The following DDX6 variants were observed in gnomAD, a reference collection of about 807,000 sequenced individuals.
The protein encoded by DDX6 is DEAD-box helicase 6.
A neutral mutation model predicts 60.6 loss-of-function variants in DDX6; 7 were observed. The ratio of observed to expected loss-of-function variants is 0.12; its 90% CI spans 0.07 to 0.22. The LOEUF is 0.22. Ranked by LOEUF, DDX6 falls within the 10% of genes least tolerant of loss-of-function variation. DDX6 has a pLI of 1.00. For synonymous variants in DDX6, 207 were observed against 201.0 expected (o/e 1.03, Z -0.25); for missense variants, 270 against 589.9 (o/e 0.46, Z 5.62).
intron 7 of DDX6, 37 bp downstream of exon 7, chr11:118,763,175 G>A: frequency 6.9e-7 from 1 of 1,445,276 alleles, no homozygotes; most frequent in Non-Finnish European, 9.4e-7. Context: ...GCACAGAAAA[G>A]TACAGAACAG....
intron 7 of DDX6, among the ~76,000 whole-genome samples, chr11:118,761,861 GAA>G (rs11296874): frequency 0.045 from 6,020 of 133,992 alleles, 368 homozygotes; most frequent in African/African-American, 0.15. Context: ...AAATTAAATG[GAA>G]AAAAAAAAAA....
chr11:118,768,954 G>C (rs1555161830), intron 4 of DDX6, among the ~76,000 whole-genome samples: 1 of 113,800 alleles, frequency 8.8e-6, no homozygotes, highest in African/African-American at 3.3e-5. Context: ...TTGCACCACT[G>C]TACTCCAGCA....
At chr11:118,769,363 C>T (rs1225317154) in intron 4 of DDX6, among the ~76,000 whole-genome samples, 4 of 152,138 alleles carry the variant, frequency 2.6e-5, no homozygotes, top group African/African-American at 9.7e-5. Flanking sequence ...GTAATGTGCT[C>T]TCTATTGAAG....
chr11:118,759,013 G>A (rs1861074213), intron 8 of DDX6, 111 bp from the exon 9 acceptor site: 2 of 1,386,818 alleles, frequency 1.4e-6, no homozygotes, highest in Non-Finnish European at 2.0e-6. Context: ...TTGCTGTAAG[G>A]GACGCAACTC....
chr11:118,775,992 CA>C (rs1861686419), intron 4 of DDX6, among the ~76,000 whole-genome samples: 1 of 151,794 alleles, frequency 6.6e-6, no homozygotes, highest in African/African-American at 2.4e-5. Flanking sequence ...AAAACAAAAA[CA>C]AAAAACAACC....
rs150046784 is a variant in DDX6 at position 118,762,743 on chromosome 11, T to C, written c.741+469A>G. ...TCTTAAGTCAGGGACCATCTGTACA[T>C]GTACAAAACATGGCTAGATCCCAGG... On this transcript the variant is annotated intron_variant, in intron 7 of 13. Coordinates refer to ENST00000534980, the MANE Select transcript of DDX6 (RefSeq NM_004397.6). Among the ~76,000 whole-genome samples the C allele has an allele frequency of 2.5e-3, 377 of 152,338 alleles. 3 individuals carry two copies. Among genetic ancestry groups the C allele is most frequent in the African/African-American group, 8.6e-3 (357 of 41,582 alleles).
At chr11:118,756,168 ATG>A in intron 11 of DDX6, 90 bp downstream of exon 11, 1 of 935,730 alleles carries the variant, frequency 1.1e-6, no homozygotes, top group Middle Eastern at 2.1e-4. Context: ...GTGTCGGACT[ATG>A]TCACAGGTTG....
At chr11:118,764,465 A>C (rs1861281808) in intron 6 of DDX6, among the ~76,000 whole-genome samples, 1 of 152,138 alleles carries the variant, frequency 6.6e-6, no homozygotes, top group Non-Finnish European at 1.5e-5. Flanking sequence ...TTGTACCTAC[A>C]GCCCTGCATT....
At chr11:118,764,970 C>T (rs1460750731) in intron 6 of DDX6, among the ~76,000 whole-genome samples, 1 of 152,154 alleles carries the variant, frequency 6.6e-6, no homozygotes, top group Non-Finnish European at 1.5e-5. Context: ...ATACTTTTAG[C>T]TTTACCAATT....
rs1231048762 is a variant in DDX6, at chr11:118,755,633, C to G, written c.1175-130G>C. 3.9e-5 allele frequency: 23 copies of G among 586,428 alleles called. No individual in the cohort carries two copies. In the Admixed American group the frequency reaches 6.1e-4, roughly 16 times the overall value. The allele number at this position is 586,428 out of a possible 1,614,324, so 36.3% of individuals were successfully genotyped here. On this transcript the variant is annotated intron_variant, in intron 11 of 13. Coordinates refer to ENST00000534980, the MANE Select transcript of DDX6 (RefSeq NM_004397.6). ...GTTATTCAAATGCATTTGCACATTA[C>G]TGGCATTACCTTTCATAATCACATT...
At chr11:118,752,212 T>C (rs905356913) in intron 13 of DDX6, 115 bp from the exon 14 acceptor site, 1 of 162,412 alleles carries the variant, frequency 6.2e-6, no homozygotes, top group Non-Finnish European at 1.3e-5. Flanking sequence ...ACTAACCCTG[T>C]GCCTACTATA....
chr11:118,790,985 C>A (rs1302001547), intron 1 of DDX6, 113 bp downstream of exon 1: 1 of 150,804 alleles, frequency 6.6e-6, no homozygotes, highest in Non-Finnish European at 1.5e-5. Context: ...CCTCCGCCCG[C>A]CCCCACCCAG....
chr11:118,758,959 C>T, intron 8 of DDX6, 57 bp from the exon 9 acceptor site: 1 of 1,603,892 alleles, frequency 6.2e-7, no homozygotes, highest in Non-Finnish European at 8.5e-7. Flanking sequence ...CAGAGTTCAT[C>T]TCAAATTCAA....
chr11:118,752,296 G>C (rs184417207), intron 13 of DDX6, among the ~76,000 whole-genome samples, 199 bp from the exon 14 acceptor site: 12 of 152,270 alleles, frequency 7.9e-5, no homozygotes, highest in Admixed American at 3.3e-4. Flanking sequence ...GAATGAATGT[G>C]AATGTTCTGA....
At chr11:118,772,575 T>C (rs781791789) in intron 4 of DDX6, among the ~76,000 whole-genome samples, 1 of 152,198 alleles carries the variant, frequency 6.6e-6, no homozygotes, top group Non-Finnish European at 1.5e-5. Flanking sequence ...GTGGTAATGG[T>C]TGCAGAACTC....
At chr11:118,783,084 T>G (rs1187285647) in intron 2 of DDX6, among the ~76,000 whole-genome samples, 1 of 103,394 alleles carries the variant, frequency 9.7e-6, no homozygotes, top group African/African-American at 3.1e-5. Context: ...AAAAAACTAT[T>G]TAAAATGAGA....
chr11:118,756,193 T>G, intron 11 of DDX6, 67 bp downstream of exon 11: 1 of 1,300,814 alleles, frequency 7.7e-7, no homozygotes, highest in Non-Finnish European at 1.1e-6. Flanking sequence ...CTATGTAATA[T>G]GAACAGAGAA....
intron 3 of DDX6, 73 bp from the exon 4 acceptor site, chr11:118,779,809 A>C (rs1861827380): frequency 4.2e-6 from 5 of 1,184,718 alleles, no homozygotes; most frequent in Admixed American, 2.2e-5. Flanking sequence ...TGGTAAATTT[A>C]TCTGTGTTTA....
intron 4 of DDX6, among the ~76,000 whole-genome samples, chr11:118,777,118 T>G (rs1306987675): frequency 1.3e-5 from 2 of 152,082 alleles, no homozygotes; most frequent in Admixed American, 1.3e-4. Context: ...AAGGTACTCA[T>G]CATATTACAG....
Sources: allele counts gnomAD v4.1 joint callset (sites outside exome capture counted in the v4.1 genomes callset), GRCh38; gene constraint gnomAD v4.1.1; transcripts MANE v1.5; gene names NCBI Gene and HGNC (gene_info 2026-07-23, HGNC 2026-07-21).